The following ADCY5 variants were observed in gnomAD, a reference collection of about 807,000 sequenced individuals.
ADCY5 encodes adenylate cyclase type 5.
A neutral mutation model predicts 119.7 loss-of-function variants in ADCY5; 30 were observed. The observed-to-expected ratio is 0.25, with a 90% CI of 0.19 to 0.34. The LOEUF is 0.34. Among genes scored for constraint, ADCY5 ranks in the 10% least tolerant of loss-of-function variants. The pLI, the probability that ADCY5 is intolerant of heterozygous loss-of-function variation, is 1.00. For missense variants in ADCY5, 1,324 were observed against 1,775.2 expected, an observed-to-expected ratio of 0.75 and a Z score of 4.57; for synonymous variants, 753 against 762.2, an observed-to-expected ratio of 0.99 and a Z score of 0.20.
intron 1 of ADCY5, among the ~76,000 whole-genome samples, chr3:123,357,979 C>T (rs1319526455): frequency 1.3e-5 from 2 of 152,192 alleles, no homozygotes; most frequent in Admixed American, 1.3e-4. Context: ...CCCATAAAGA[C>T]AGGCAAAGTA....
At chr3:123,409,850 G>A (rs1247812304) in intron 1 of ADCY5, among the ~76,000 whole-genome samples, 1 of 152,188 alleles carries the variant, frequency 6.6e-6, no homozygotes, top group Non-Finnish European at 1.5e-5. Flanking sequence ...GCCCCAGTTG[G>A]ATGAGCTGAG....
chr3:123,318,763 TG>T (rs749154546), intron 10 of ADCY5, among the ~76,000 whole-genome samples: 15 of 152,064 alleles, frequency 9.9e-5, no homozygotes, highest in Admixed American at 3.3e-4. Flanking sequence ...AACTGAACCC[TG>T]GGGAGATGCT....
intron 1 of ADCY5, chr3:123,418,843 G>C (rs938045115): frequency 6.6e-6 from 1 of 152,180 alleles, no homozygotes; most frequent in East Asian, 1.9e-4. Context: ...GGTAGAGGAG[G>C]GGAGAATTCA....
intron 1 of ADCY5, among the ~76,000 whole-genome samples, chr3:123,402,461 A>C (rs1944787610): frequency 6.6e-6 from 1 of 152,224 alleles, no homozygotes; most frequent in African/African-American, 2.4e-5. Flanking sequence ...GGATGCTGGA[A>C]GCCAAGGGGG....
chr3:123,365,185 G>A (rs1398364926), intron 1 of ADCY5, among the ~76,000 whole-genome samples: 2 of 152,176 alleles, frequency 1.3e-5, no homozygotes, highest in African/African-American at 4.8e-5. Flanking sequence ...TTGAACTCCT[G>A]ACCTCAGGTG....
chr3:123,362,691 G>A (rs940640244), intron 1 of ADCY5, among the ~76,000 whole-genome samples: 10 of 152,136 alleles, frequency 6.6e-5, no homozygotes, highest in Non-Finnish European at 1.5e-4. Context: ...GACAAGGCAC[G>A]GAAGTGGTTG....
At chr3:123,344,157 C>T (rs1280692010) in intron 3 of ADCY5, among the ~76,000 whole-genome samples, 8 of 152,214 alleles carry the variant, frequency 5.3e-5, no homozygotes, top group Non-Finnish European at 1.0e-4. Context: ...CCCCATCAGT[C>T]TCTTCCTCTT....
Position 123,448,111 on chromosome 3 carries a change from CG to C in ADCY5, c.434del (p.Ser145TrpfsTer93). On this transcript the variant is annotated frameshift_variant, in exon 1 of 21. Transcript: ENST00000462833. LOFTEE classifies it high-confidence loss of function. ...GGGGSAAAAA[S>X]AGGTEVRPRS... ...GAGGGCGCACCTCCGTCCCGCCCGC[CG>C]AGGCAGCCGCCGCCGCCGAGCCGCC... 8.9e-7 allele frequency: 1 copy of C among 1,118,364 alleles called. No homozygotes were observed. The highest frequency in any genetic ancestry group is 1.1e-6 in the Non-Finnish European group (1 of 918,902). 69.3% of individuals were successfully genotyped at this position (1,118,364 alleles called of 1,614,324 possible). A position where few individuals can be genotyped will look rare whatever the true frequency, so the allele number is the denominator to read the frequency against.
At chr3:123,417,373 A>G (rs1246610526) in intron 1 of ADCY5, among the ~76,000 whole-genome samples, 1 of 152,228 alleles carries the variant, frequency 6.6e-6, no homozygotes, top group Non-Finnish European at 1.5e-5. Flanking sequence ...AGTGAGGGAG[A>G]TAACGGCCCG....
Position 123,284,752 on chromosome 3 carries a change from A to T in ADCY5, c.3658-16T>A, listed in dbSNP as rs368463940. 1.9e-6 allele frequency: 3 copies of T among 1,613,848 alleles called. No homozygotes were observed. The African/African-American group carries it at 4.0e-5, about 22-fold the overall frequency. On this transcript the variant is annotated splice_polypyrimidine_tract_variant and intron_variant, in intron 20 of 20. Coordinates refer to ENST00000462833, the MANE Select transcript of ADCY5 (RefSeq NM_183357.3). ...CTGTGGTGACCTGTGGGGGAACAGG[A>T]GGAGAGAGGGCAAGCCACTGATGGC...
intron 1 of ADCY5, among the ~76,000 whole-genome samples, chr3:123,388,022 A>G (rs1002932495): frequency 2.6e-5 from 4 of 152,264 alleles, no homozygotes. Flanking sequence ...CTGGAGGGAC[A>G]GAAAGCATTC....
At chr3:123,290,828 G>A (rs1327897383) in intron 18 of ADCY5, among the ~76,000 whole-genome samples, 2 of 152,206 alleles carry the variant, frequency 1.3e-5, no homozygotes, top group South Asian at 2.1e-4. Context: ...AGTGTGGGCT[G>A]AAACCCCAGC....
chr3:123,441,824 C>T (rs1945727098), intron 1 of ADCY5, among the ~76,000 whole-genome samples: 1 of 152,100 alleles, frequency 6.6e-6, no homozygotes, highest in South Asian at 2.1e-4. Context: ...AGGCTATAAA[C>T]CTAACCAAGA....
intron 3 of ADCY5, among the ~76,000 whole-genome samples, chr3:123,334,232 G>A (rs1462851063): frequency 6.6e-6 from 1 of 152,172 alleles, no homozygotes; most frequent in Admixed American, 6.5e-5. Flanking sequence ...AGCCCTGCAA[G>A]TGAGGGGTCA....
chr3:123,365,444 C>T (rs9854862), intron 1 of ADCY5, among the ~76,000 whole-genome samples: 3,071 of 152,196 alleles, frequency 0.02, 112 homozygotes, highest in African/African-American at 0.071. Context: ...ATAGCACAGA[C>T]GAGAAGCACC....
At chr3:123,413,267 A>G (rs933121428) in intron 1 of ADCY5, among the ~76,000 whole-genome samples, 2 of 152,200 alleles carry the variant, frequency 1.3e-5, no homozygotes, top group African/African-American at 2.4e-5. Flanking sequence ...GGAACACGGA[A>G]CATTTCCCCA....
chr3:123,375,008 T>C (rs1191529750), intron 1 of ADCY5, among the ~76,000 whole-genome samples: 1 of 152,210 alleles, frequency 6.6e-6, no homozygotes, highest in Non-Finnish European at 1.5e-5. Flanking sequence ...TAACTTAGAC[T>C]TCACCTGCAG....
At chr3:123,406,740 C>T (rs143554112) in intron 1 of ADCY5, among the ~76,000 whole-genome samples, 82 of 152,218 alleles carry the variant, frequency 5.4e-4, no homozygotes, top group Non-Finnish European at 9.8e-4. Flanking sequence ...GACGCTTGGC[C>T]GACCGGGGTT....
chr3:123,419,916 T>C (rs1310503907), intron 1 of ADCY5, among the ~76,000 whole-genome samples: 1 of 151,956 alleles, frequency 6.6e-6, no homozygotes, highest in Non-Finnish European at 1.5e-5. Context: ...ATTTGCGCAG[T>C]TGTTGTAGAC....
Sources: allele counts gnomAD v4.1 joint callset (sites outside exome capture counted in the v4.1 genomes callset), GRCh38; gene constraint gnomAD v4.1.1; transcripts MANE v1.5; gene names NCBI Gene and HGNC (gene_info 2026-07-23, HGNC 2026-07-21).